The following CAST variants were observed in gnomAD, a reference collection of about 807,000 sequenced individuals.
The protein encoded by CAST is MIR583 host.
CAST carries 76 observed loss-of-function variants against 119.6 expected under a neutral mutation model. The observed-to-expected ratio is 0.64, with a 90% CI of 0.53 to 0.77. The LOEUF is 0.77. Ranked by LOEUF, CAST falls within the 30% of genes least tolerant of loss-of-function variation. The pLI is 0.00. For synonymous variants in CAST, 319 were observed against 331.6 expected (o/e 0.96, Z 0.41); for missense variants, 953 against 946.5 (o/e 1.01, Z -0.09).
At chr5:96,057,179 A>G in the CAST span, among the ~76,000 whole-genome samples, 256 of 152,286 alleles carry the variant, frequency 1.7e-3, no homozygotes, top group Non-Finnish European at 2.4e-3. Flanking sequence ...GTTGACTGAA[A>G]CTCTGTGATT....
At chr5:96,015,670 A>G in the CAST span, among the ~76,000 whole-genome samples, 650 of 152,304 alleles carry the variant, frequency 4.3e-3, 5 homozygotes, top group African/African-American at 0.014. Flanking sequence ...AATGCTTACT[A>G]TTTAATATAT....
chr5:96,065,755 CTT>C, the CAST span, among the ~76,000 whole-genome samples: 2 of 152,124 alleles, frequency 1.3e-5, no homozygotes, highest in Non-Finnish European at 2.9e-5. Flanking sequence ...AGTGAATTCT[CTT>C]TGTGCTGAGA....
intron 1 of CAST, among the ~76,000 whole-genome samples, chr5:96,563,040 A>G (rs1203647796): frequency 6.6e-6 from 1 of 152,168 alleles, no homozygotes; most frequent in Non-Finnish European, 1.5e-5. Context: ...TGCCCTCCCT[A>G]TACCTGGAGG....
At chr5:96,091,407 G>A in the CAST span, among the ~76,000 whole-genome samples, 1 of 150,274 alleles carries the variant, frequency 6.7e-6, no homozygotes. Context: ...GTTTCTCCAT[G>A]TTAGGCTGGC....
chr5:96,014,640 T>C, the CAST span, among the ~76,000 whole-genome samples: 2 of 152,138 alleles, frequency 1.3e-5, no homozygotes, highest in Non-Finnish European at 2.9e-5. Flanking sequence ...TTCAACTTCA[T>C]TATAATCTTA....
At chr5:96,711,244 C>T (rs1245148693) in intron 3 of CAST, among the ~76,000 whole-genome samples, 1 of 152,108 alleles carries the variant, frequency 6.6e-6, no homozygotes, top group Admixed American at 6.5e-5. Context: ...CCATATCCTA[C>T]TATATATAGG....
At chr5:95,977,715 A>T in the CAST span, among the ~76,000 whole-genome samples, 3 of 151,666 alleles carry the variant, frequency 2.0e-5, no homozygotes, top group Admixed American at 6.6e-5. Context: ...AACTCATGTC[A>T]TGGGGGTTTG....
chr5:96,400,012 G>T, the CAST span: 1 of 1,614,226 alleles, frequency 6.2e-7, no homozygotes, highest in Non-Finnish European at 8.5e-7. Context: ...CGCTCCTCCA[G>T]GTCCTGGGGT....
At chr5:96,334,537 A>G in the CAST span, among the ~76,000 whole-genome samples, 1 of 152,286 alleles carries the variant, frequency 6.6e-6, no homozygotes, top group African/African-American at 2.4e-5. Flanking sequence ...CCTGCTGCAC[A>G]ACTTTCTGCC....
the CAST span, among the ~76,000 whole-genome samples, chr5:96,012,520 G>C: frequency 6.6e-6 from 1 of 152,076 alleles, no homozygotes; most frequent in Non-Finnish European, 1.5e-5. Flanking sequence ...TCCATCCTAT[G>C]AATTTTTAAG....
chr5:96,274,319 G>C, the CAST span, among the ~76,000 whole-genome samples: 4 of 151,744 alleles, frequency 2.6e-5, no homozygotes, highest in African/African-American at 9.7e-5. Context: ...AGCCAGGATG[G>C]TCTCAATCTC....
the CAST span, among the ~76,000 whole-genome samples, chr5:96,118,711 A>G: frequency 6.6e-6 from 1 of 151,326 alleles, no homozygotes; most frequent in South Asian, 2.1e-4. Flanking sequence ...CAATCCATCT[A>G]AAAGAACTAG....
chr5:96,060,837 A>C, the CAST span, among the ~76,000 whole-genome samples: 1 of 152,090 alleles, frequency 6.6e-6, no homozygotes, highest in Non-Finnish European at 1.5e-5. Context: ...TAAACAATAG[A>C]AATATTTATT....
At chr5:96,546,555 A>G (rs935846982) in intron 1 of CAST, 1 of 19,338 alleles carries the variant, frequency 5.2e-5, no homozygotes, top group Non-Finnish European at 9.9e-5. Flanking sequence ...AGTTATCTGA[A>G]AAAAAAAAAA....
chr5:95,970,674 A>T, the CAST span, among the ~76,000 whole-genome samples: 3 of 152,252 alleles, frequency 2.0e-5, no homozygotes, highest in African/African-American at 7.2e-5. Flanking sequence ...ATAGCAAATG[A>T]ACTTTAATGA....
At chr5:96,175,327 G>A in the CAST span, among the ~76,000 whole-genome samples, 160 of 152,224 alleles carry the variant, frequency 1.1e-3, no homozygotes, top group African/African-American at 3.8e-3. Flanking sequence ...TACTGGCCAA[G>A]ATGGAAATTA....
intron 1 of CAST, among the ~76,000 whole-genome samples, chr5:96,548,398 T>C (rs1260907393): frequency 6.6e-6 from 1 of 152,132 alleles, no homozygotes; most frequent in African/African-American, 2.4e-5. Flanking sequence ...ACCAATACTC[T>C]AGTAAATTGC....
the CAST span, among the ~76,000 whole-genome samples, chr5:96,367,000 G>T: frequency 6.6e-6 from 1 of 152,104 alleles, no homozygotes; most frequent in African/African-American, 2.4e-5. Flanking sequence ...GTACAGATGG[G>T]GTTTTGGTAT....
At chr5:96,045,140 G>A in the CAST span, among the ~76,000 whole-genome samples, 1 of 152,128 alleles carries the variant, frequency 6.6e-6, no homozygotes. Flanking sequence ...ATCACCTGAG[G>A]TCAGGAGTTT....
Sources: allele counts gnomAD v4.1 joint callset (sites outside exome capture counted in the v4.1 genomes callset), GRCh38; gene constraint gnomAD v4.1.1; transcripts MANE v1.5; gene names NCBI Gene and HGNC (gene_info 2026-07-23, HGNC 2026-07-21).